CHST9: variants seen among roughly 807,000 people sequenced by gnomAD.
CHST9 encodes the protein GalNAc-4-sulfotransferase 2.
A neutral mutation model predicts 44.4 loss-of-function variants in CHST9; 41 were observed. That is an observed-to-expected ratio of 0.92 (90% CI 0.72 to 1.20). The LOEUF (loss-of-function observed/expected upper bound fraction) is 1.20, where lower values mean the gene tolerates loss of function less well. CHST9 is among the 50% of genes most tolerant of loss of function. CHST9 has a pLI of 0.00. For synonymous variants in CHST9, 171 were observed against 178.4 expected, an observed-to-expected ratio of 0.96 and a Z score of 0.33; for missense variants, 504 against 516.5, an observed-to-expected ratio of 0.98 and a Z score of 0.23.
In CHST9 at chr18:27,048,685, G is replaced by T. The variant is rs1177472119; in HGVS notation, c.122-182C>A. 2.6e-5 allele frequency among the ~76,000 whole-genome samples: 4 copies of T among 152,106 alleles called. No homozygotes were observed. The East Asian group carries it at 7.7e-4, about 29-fold the overall frequency. The stretch of plus-strand genomic sequence containing the variant: ...AAGAACTGCTTACAAACCAATTTAT[G>T]AAAGTAAAAAATAAATAACTATGCA... On this transcript the variant is annotated intron_variant, in intron 2 of 5. Coordinates refer to ENST00000618847, the MANE Select transcript of CHST9 (RefSeq NM_031422.6).
At chr18:26,945,105 A>G (rs1206414574) in intron 4 of CHST9, among the ~76,000 whole-genome samples, 1 of 152,192 alleles carries the variant, frequency 6.6e-6, no homozygotes, top group African/African-American at 2.4e-5. Context: ...TGAGAAAAGA[A>G]AAGAGAGAAG....
intron 2 of CHST9, among the ~76,000 whole-genome samples, chr18:27,107,637 T>C (rs754202499): frequency 6.6e-6 from 1 of 152,084 alleles, no homozygotes; most frequent in Non-Finnish European, 1.5e-5. Context: ...AGCTCTGGAG[T>C]GCACATGGTC....
intron 2 of CHST9, among the ~76,000 whole-genome samples, chr18:27,085,367 T>C (rs2058001798): frequency 1.3e-5 from 2 of 152,044 alleles, no homozygotes; most frequent in Non-Finnish European, 2.9e-5. Context: ...TTGCAAACTA[T>C]GCATCCAACA....
At chr18:26,998,233 G>A (rs185463617) in intron 4 of CHST9, among the ~76,000 whole-genome samples, 6 of 152,242 alleles carry the variant, frequency 3.9e-5, no homozygotes, top group Admixed American at 1.3e-4. Context: ...CACCTATATC[G>A]CTGGATCTCA....
chr18:27,053,068 T>A (rs1437146099), intron 2 of CHST9, among the ~76,000 whole-genome samples: 6 of 144,058 alleles, frequency 4.2e-5, no homozygotes, highest in African/African-American at 1.6e-4. Flanking sequence ...AGCACATGTA[T>A]CCCAGAACTT....
intron 4 of CHST9, among the ~76,000 whole-genome samples, chr18:27,008,877 A>G (rs1317546689): frequency 6.6e-6 from 1 of 150,470 alleles, no homozygotes; most frequent in Middle Eastern, 3.2e-3. Flanking sequence ...ACAGGATTGC[A>G]GCAGGTTCTT....
At position 26,975,723 on chromosome 18, in the gene CHST9, GTGTATA is replaced by G. The variant is rs1440215024; in HGVS notation, c.203-31363_203-31358del. Among the ~76,000 whole-genome samples the G allele has an allele frequency of 6.4e-4, 38 of 59,342 alleles. 1 individual carries two copies. The highest frequency in any genetic ancestry group is 1.4e-3 in the African/African-American group (22 of 15,198). The allele number at this position is 59,342 out of a possible 152,430, so 38.9% of individuals were successfully genotyped here. A position where few individuals can be genotyped will look rare whatever the true frequency, so the allele number is the denominator to read the frequency against. On this transcript the variant is annotated intron_variant, in intron 4 of 5. Coordinates refer to ENST00000618847, the MANE Select transcript of CHST9 (RefSeq NM_031422.6). ...TATGTGTATATATGTGTGTGTGTGTGTGTATATATATATATATATATATATATATAT... is the reference window on the plus strand; with the variant it reads ...TATGTGTATATATGTGTGTGTGTGTGTATATATATATATATATATATATAT...
intron 1 of CHST9, among the ~76,000 whole-genome samples, chr18:27,148,722 G>A (rs1341946157): frequency 7.2e-6 from 1 of 139,508 alleles, no homozygotes; most frequent in East Asian, 2.4e-4. Context: ...AAACATACAT[G>A]TGCATGTGTC....
intron 4 of CHST9, among the ~76,000 whole-genome samples, chr18:26,974,738 AT>A (rs1478139754): frequency 1.3e-5 from 2 of 149,228 alleles, no homozygotes; most frequent in Non-Finnish European, 1.5e-5. Flanking sequence ...CAGTGGCCCG[AT>A]CTCGGCTCAC....
At chr18:26,935,139 T>C (rs2055964767) in intron 5 of CHST9, 1 of 152,356 alleles carries the variant, frequency 6.6e-6, no homozygotes, top group Non-Finnish European at 1.5e-5. Flanking sequence ...GGTGATTATC[T>C]GTCAATATTC....
At chr18:27,034,042 G>GT (rs1348626484) in intron 3 of CHST9, among the ~76,000 whole-genome samples, 4 of 152,262 alleles carry the variant, frequency 2.6e-5, no homozygotes, top group Admixed American at 2.6e-4. Context: ...CTGCTTCCCT[G>GT]TTTCTAACCT....
chr18:27,118,436 G>A (rs944217399), intron 2 of CHST9, among the ~76,000 whole-genome samples: 2 of 152,112 alleles, frequency 1.3e-5, no homozygotes, highest in Admixed American at 6.5e-5. Flanking sequence ...TATGTAGTAA[G>A]TTTATAAGCA....
intron 2 of CHST9, among the ~76,000 whole-genome samples, chr18:27,053,200 ACAAGAAGAGGAG>A (rs2057598017): frequency 4.7e-5 from 5 of 106,974 alleles, no homozygotes; most frequent in African/African-American, 1.3e-4. Flanking sequence ...AGAAGAAAGA[ACAAGAAGAGGAG>A]GAAGAGGAAG....
At chr18:26,934,813 A>G (rs1032968215) in intron 5 of CHST9, 3 of 152,172 alleles carry the variant, frequency 2.0e-5, no homozygotes, top group African/African-American at 7.2e-5. Flanking sequence ...GCCTTCCACG[A>G]TCCTTCCCTG....
chr18:27,042,642 A>C (rs2057457839), intron 3 of CHST9, among the ~76,000 whole-genome samples: 1 of 152,068 alleles, frequency 6.6e-6, no homozygotes, highest in Admixed American at 6.6e-5. Flanking sequence ...TAAAATGTTG[A>C]CCATAAACAA....
At chr18:27,056,583 T>G (rs962370783) in intron 2 of CHST9, among the ~76,000 whole-genome samples, 3 of 152,180 alleles carry the variant, frequency 2.0e-5, no homozygotes, top group African/African-American at 7.2e-5. Flanking sequence ...AAATGATGTG[T>G]TTAATAATAA....
intron 4 of CHST9, among the ~76,000 whole-genome samples, chr18:26,948,446 T>A (rs903105541): frequency 2.0e-5 from 3 of 152,322 alleles, no homozygotes; most frequent in Admixed American, 2.0e-4. Flanking sequence ...TCAACTCTGG[T>A]TGGCAACTGA....
intron 4 of CHST9, among the ~76,000 whole-genome samples, chr18:27,012,214 C>T (rs1323049839): frequency 6.6e-6 from 1 of 152,096 alleles, no homozygotes; most frequent in Non-Finnish European, 1.5e-5. Context: ...CCCCCTGTGC[C>T]ATCAAAAATC....
Position 27,060,076 on chromosome 18 carries a change from C to A in CHST9, c.122-11573G>T, listed in dbSNP as rs1485809. Among the ~76,000 whole-genome samples the A allele has an allele frequency of 8.1e-3, 1,230 of 152,256 alleles. 16 individuals carry two copies. Among genetic ancestry groups the A allele is most frequent in the African/African-American group, 0.027 (1,130 of 41,532 alleles). On this transcript the variant is annotated intron_variant, in intron 2 of 5. Coordinates refer to ENST00000618847, the MANE Select transcript of CHST9 (RefSeq NM_031422.6). ...TTTAGGTGTAGAAGAGGCTCCCCAC[C>A]ACTTGGGCACTTAGGAGAAAACAAC...
Sources: gnomAD v4.1 joint callset for allele counts (sites outside exome capture counted in the v4.1 genomes callset) on GRCh38, gnomAD v4.1.1 for gene constraint, MANE v1.5 for transcripts, NCBI Gene and HGNC (gene_info 2026-07-23, HGNC 2026-07-21) for gene names.